XPO4: variants seen among roughly 807,000 people sequenced by gnomAD.
XPO4 encodes exportin 4, also known as exportin-4.
Under a neutral mutation model 143.0 loss-of-function variants are expected in XPO4, and 39 were observed. The observed-to-expected ratio is 0.27, with a 90% confidence interval of 0.21 to 0.36. The LOEUF is 0.36. Among genes scored for constraint, XPO4 ranks in the 10% least tolerant of loss-of-function variants. The probability of loss-of-function intolerance (pLI) is 1.00; values close to 1 mark genes in which losing one functional copy is unlikely to be tolerated. For synonymous variants in XPO4, 439 were observed against 474.0 expected, an observed-to-expected ratio of 0.93 and a Z score of 0.96; for missense variants, 907 against 1,348.0, an observed-to-expected ratio of 0.67 and a Z score of 5.12.
In XPO4 at chr13:20,808,428, C is replaced by T. The variant is rs1328489705; in HGVS notation, c.1639+8G>A. On this transcript the variant is annotated splice_region_variant and intron_variant, in intron 12 of 22. Transcript: ENST00000255305. The stretch of plus-strand genomic sequence containing the variant: ...CAATTACATTTTAAAAAGAAACCAC[C>T]AACCAACCTGTAACTAAAATAAGCC... 2.7e-6 allele frequency: 4 copies of T among 1,508,692 alleles called. No homozygotes were observed. Among genetic ancestry groups the T allele is most frequent in the Non-Finnish European group, 3.6e-6 (4 of 1,111,060 alleles). The allele number at this position is 1,508,692 out of a possible 1,614,324, so 93.5% of individuals were successfully genotyped here.
Position 20,796,758 on chromosome 13 carries a change from G to A in XPO4, c.2616+6C>T. On this transcript the variant is annotated splice_donor_region_variant and intron_variant, in intron 17 of 22. Transcript: ENST00000255305. ...TCCTGAGGGGATAAAATTAGAAAGT[G>A]CTTACCTCTCCAAGATAGCATATCT... 1 of 1,593,230 alleles carries A rather than the reference G, an allele frequency of 6.3e-7. No homozygotes were observed. Among genetic ancestry groups the A allele is most frequent in the Non-Finnish European group, 8.5e-7 (1 of 1,170,080 alleles).
At position 20,855,749 on chromosome 13, in the gene XPO4, G is replaced by T; in HGVS notation, c.334C>A (p.Arg112=). 6.3e-7 allele frequency: 1 copy of T among 1,595,756 alleles called. No individual in the cohort carries two copies. Among genetic ancestry groups the T allele is most frequent in the South Asian group, 1.2e-5 (1 of 86,790 alleles). ...LQRPNLQKYV[R]EQILLAVAVI... ...GCTACTGCTAGTAGAATCTGTTCCC[G>T]AACATACTTTTGAAGGCTGTAAAAC... Residue 112 remains arginine, a synonymous_variant, in exon 4 of 23, where the codon CGG becomes AGG. Transcript: ENST00000255305.
At position 20,790,592 on chromosome 13, in the gene XPO4, A is replaced by G. The variant is rs770371813; in HGVS notation, c.2798-12T>C. The G allele has an allele frequency of 1.7e-5, 27 of 1,603,838 alleles. No individual in the cohort carries two copies. The highest frequency in any genetic ancestry group is 2.3e-5 in the Non-Finnish European group (27 of 1,171,106). ...TCTAAACACTTCATCTATTAAAATA[A>G]AAGGATGCAGGCTTATGGTGGTAAC... On this transcript the variant is annotated splice_polypyrimidine_tract_variant and intron_variant, in intron 18 of 22. Coordinates refer to ENST00000255305, the MANE Select transcript of XPO4 (RefSeq NM_022459.5).
Position 20,782,956 on chromosome 13 carries a change from G to C in XPO4, c.*766C>G, listed in dbSNP as rs1462277481. On this transcript the variant is annotated 3_prime_UTR_variant, in exon 23 of 23. Transcript: ENST00000255305. ...GTATTACACAAAACCTGCAGCACTG[G>C]GTTGATGTGAGAGAGAGAGAGAAAA... 1 of 152,456 alleles carries C rather than the reference G, an allele frequency of 6.6e-6. No individual in the cohort carries two copies. The highest frequency in any genetic ancestry group is 1.9e-4 in the East Asian group (1 of 5,200). The allele number at this position is 152,456 out of a possible 1,614,324, so 9.4% of individuals were successfully genotyped here. A position where few individuals can be genotyped will look rare whatever the true frequency, so the allele number is the denominator to read the frequency against.
chr13:20,816,269 T>G (rs764264296), intron 9 of XPO4, among the ~76,000 whole-genome samples: 8 of 152,238 alleles, frequency 5.3e-5, no homozygotes, highest in Non-Finnish European at 1.0e-4. Flanking sequence ...GTTATTCATC[T>G]GCTATTGGTA....
chr13:20,875,332 T>A (rs2060340942), intron 1 of XPO4, among the ~76,000 whole-genome samples: 1 of 152,220 alleles, frequency 6.6e-6, no homozygotes, highest in Non-Finnish European at 1.5e-5. Flanking sequence ...AAGAGTACTA[T>A]AAATTTCAGG....
chr13:20,804,501 T>G (rs748632372), intron 13 of XPO4, among the ~76,000 whole-genome samples: 2 of 151,716 alleles, frequency 1.3e-5, no homozygotes, highest in Non-Finnish European at 2.9e-5. Flanking sequence ...CTGCCTAAAG[T>G]ACTCTTGTTT....
In XPO4 at chr13:20,780,620, A is replaced by G. The variant is rs1485895406; in HGVS notation, c.*3102T>C. On this transcript the variant is annotated 3_prime_UTR_variant, in exon 23 of 23. Transcript: ENST00000255305. ...AGTAATGTAATATAATTAGATACAC[A>G]GTTTACAACGAAATAAGACTAAATT... 1.3e-5 allele frequency: 2 copies of G among 152,230 alleles called. No homozygotes were observed. Among genetic ancestry groups the G allele is most frequent in the Non-Finnish European group, 2.9e-5 (2 of 68,046 alleles). 9.4% of individuals were successfully genotyped at this position (152,230 alleles called of 1,614,324 possible).
At chr13:20,822,548 A>G (rs972317580) in intron 7 of XPO4, among the ~76,000 whole-genome samples, 5 of 152,224 alleles carry the variant, frequency 3.3e-5, no homozygotes, top group African/African-American at 1.2e-4. Flanking sequence ...TGTTATGACA[A>G]AGAGAGAAAC....
intron 6 of XPO4, among the ~76,000 whole-genome samples, chr13:20,842,241 G>A (rs746569908): frequency 5.9e-5 from 9 of 152,074 alleles, no homozygotes; most frequent in East Asian, 1.9e-4. Flanking sequence ...TACTATCAAC[G>A]GGCAGCAGAT....
chr13:20,856,330 A>C, intron 3 of XPO4: 1 of 985,272 alleles, frequency 1.0e-6, no homozygotes, highest in Non-Finnish European at 1.2e-6. Context: ...CACACACACA[A>C]ACATTCAAAA....
At chr13:20,854,857 A>C (rs891857532) in intron 4 of XPO4, among the ~76,000 whole-genome samples, 1 of 152,126 alleles carries the variant, frequency 6.6e-6, no homozygotes, top group African/African-American at 2.4e-5. Flanking sequence ...AATAACCCCT[A>C]ATTTGTTCAG....
intron 1 of XPO4, among the ~76,000 whole-genome samples, chr13:20,887,646 G>A (rs1035401181): frequency 6.6e-6 from 1 of 152,084 alleles, no homozygotes; most frequent in South Asian, 2.1e-4. Flanking sequence ...CTTGAAGTCA[G>A]GAGTTTGAGA....
At position 20,780,101 on chromosome 13, in the gene XPO4, A is replaced by G. The variant is rs1413873726; in HGVS notation, c.*3621T>C. 6.6e-6 allele frequency: 1 copy of G among 152,224 alleles called. No individual in the cohort carries two copies. Among genetic ancestry groups the G allele is most frequent in the Non-Finnish European group, 1.5e-5 (1 of 68,040 alleles). 9.4% of individuals were successfully genotyped at this position (152,224 alleles called of 1,614,324 possible). On this transcript the variant is annotated 3_prime_UTR_variant, in exon 23 of 23. Coordinates refer to ENST00000255305, the MANE Select transcript of XPO4 (RefSeq NM_022459.5). ...TTATAATGTTAAACCTCATAGCCAAATCAGTTCCTTATTCTCTGGTTTTAG... is the reference window on the plus strand; with the variant it reads ...TTATAATGTTAAACCTCATAGCCAAGTCAGTTCCTTATTCTCTGGTTTTAG...
At chr13:20,900,651 C>T (rs1283949976) in intron 1 of XPO4, among the ~76,000 whole-genome samples, 2 of 150,032 alleles carry the variant, frequency 1.3e-5, no homozygotes, top group Admixed American at 1.3e-4. Context: ...CTCACTCTGT[C>T]GCCCAGACTG....
At position 20,807,778 on chromosome 13, in the gene XPO4, CA is replaced by C. The variant is rs1366832505; in HGVS notation, c.1640-145del. On this transcript the variant is annotated intron_variant, in intron 12 of 22. Transcript: ENST00000255305. ...TTAACCTGTTAATTTCAAGTTTATG[CA>C]AAAAAAACTTTCTATGTCTCAGATA... 4.5e-5 allele frequency: 30 copies of C among 662,024 alleles called. 1 individual carries two copies. Among genetic ancestry groups the C allele is most frequent in the East Asian group, 1.0e-4 (3 of 28,576 alleles). The allele number at this position is 662,024 out of a possible 1,614,324, so 41.0% of individuals were successfully genotyped here.
chr13:20,810,447 A>T (rs1158131051), intron 9 of XPO4, among the ~76,000 whole-genome samples: 2 of 152,230 alleles, frequency 1.3e-5, no homozygotes, highest in Admixed American at 1.3e-4. Context: ...GTCTTCAAAA[A>T]AAATGTAATA....
chr13:20,877,416 G>A (rs2060363645), intron 1 of XPO4, among the ~76,000 whole-genome samples: 1 of 152,178 alleles, frequency 6.6e-6, no homozygotes, highest in South Asian at 2.1e-4. Context: ...AGTTTCAGGT[G>A]GGATTCCCTA....
At chr13:20,818,745 C>T (rs2059682649) in intron 9 of XPO4, among the ~76,000 whole-genome samples, 1 of 152,072 alleles carries the variant, frequency 6.6e-6, no homozygotes, top group African/African-American at 2.4e-5. Flanking sequence ...ATTTTAAAGG[C>T]TCATTTTAAA....
Sources: allele counts gnomAD v4.1 joint callset (sites outside exome capture counted in the v4.1 genomes callset), GRCh38; gene constraint gnomAD v4.1.1; transcripts MANE v1.5; gene names NCBI Gene and HGNC (gene_info 2026-07-23, HGNC 2026-07-21).